Variants in ADAMTS17 observed in about 807,000 individuals in gnomAD.
The protein encoded by ADAMTS17 is ADAM metallopeptidase with thrombospondin type 1 motif 17.
ADAMTS17 carries 113 observed loss-of-function variants against 141.5 expected under a neutral mutation model. The observed-to-expected ratio is 0.80, with a 90% CI of 0.69 to 0.93. ADAMTS17 has a LOEUF of 0.93. ADAMTS17 is among the 40% of genes least tolerant of loss of function. The pLI is 0.00. For missense variants in ADAMTS17, 1,659 were observed against 1,517.9 expected (o/e 1.09, Z -1.54); for synonymous variants, 768 against 630.6 (o/e 1.22, Z -3.27).
intron 15 of ADAMTS17, among the ~76,000 whole-genome samples, chr15:100,075,800 G>T (rs117643168): frequency 6.6e-6 from 1 of 152,018 alleles, no homozygotes. Flanking sequence ...GGGACTTTTT[G>T]TTTATTTCCA....
intron 10 of ADAMTS17, among the ~76,000 whole-genome samples, chr15:100,149,156 C>CTTTTGCTGT (rs547254062): frequency 1.4e-3 from 218 of 152,338 alleles, no homozygotes; most frequent in Admixed American, 3.1e-3. Context: ...AGGGAAGGCG[C>CTTTTGCTGT]AGACTGTTGA....
intron 7 of ADAMTS17, among the ~76,000 whole-genome samples, chr15:100,246,148 T>C (rs2042980460): frequency 6.6e-6 from 1 of 152,178 alleles, no homozygotes; most frequent in Non-Finnish European, 1.5e-5. Context: ...GGAAATACTC[T>C]ACGGATGCTT....
rs181320712 is a variant in ADAMTS17, at chr15:100,105,406, G to A, written c.2016+3583C>T. ...CAATCCCTGCAATGATGATGACAATGGTGGAGGCACTGGAAATAGACAGGC... is the reference window on the plus strand; with the variant it reads ...CAATCCCTGCAATGATGATGACAATAGTGGAGGCACTGGAAATAGACAGGC... On this transcript the variant is annotated intron_variant, in intron 14 of 21. Transcript: ENST00000268070. 1.1e-3 allele frequency among the ~76,000 whole-genome samples: 167 copies of A among 152,306 alleles called. 4 individuals are homozygous for A. Among genetic ancestry groups the A allele is most frequent in the Admixed American group, 0.011 (167 of 15,294 alleles).
rs564566640 is a variant in ADAMTS17, at chr15:100,104,267, T to C, written c.2016+4722A>G. ...GGCCAACAGTAGGAATCATTAATGA[T>C]GGGACTCTTGATTTATAGGAGCTTG... On this transcript the variant is annotated intron_variant, in intron 14 of 21. Coordinates refer to ENST00000268070, the MANE Select transcript of ADAMTS17 (RefSeq NM_139057.4). Among the ~76,000 whole-genome samples the C allele has an allele frequency of 1.7e-3, 266 of 152,332 alleles. 1 individual carries two copies. The highest frequency in any genetic ancestry group is 6.0e-3 in the African/African-American group (248 of 41,580).
intron 18 of ADAMTS17, among the ~76,000 whole-genome samples, chr15:100,032,799 G>C (rs193275844): frequency 1.3e-5 from 2 of 152,150 alleles, no homozygotes; most frequent in African/African-American, 4.8e-5. Flanking sequence ...TAAGCGTCTC[G>C]AAGTCTTCAT....
chr15:100,093,020 G>A (rs1166223010), intron 15 of ADAMTS17, among the ~76,000 whole-genome samples: 1 of 152,210 alleles, frequency 6.6e-6, no homozygotes, highest in African/African-American at 2.4e-5. Flanking sequence ...GCCAGCCCAA[G>A]GCATGAGCAT....
At chr15:100,149,171 G>A (rs761606196) in intron 10 of ADAMTS17, among the ~76,000 whole-genome samples, 3 of 152,250 alleles carry the variant, frequency 2.0e-5, no homozygotes, top group African/African-American at 7.2e-5. Context: ...TGTTGATACA[G>A]CAGGGCCTGG....
intron 8 of ADAMTS17, among the ~76,000 whole-genome samples, chr15:100,157,112 T>C (rs2039472353): frequency 1.3e-5 from 2 of 152,150 alleles, no homozygotes; most frequent in African/African-American, 4.8e-5. Flanking sequence ...TACAAACCCA[T>C]CAGATCTTGT....
At chr15:100,194,415 G>A (rs925364609) in intron 8 of ADAMTS17, among the ~76,000 whole-genome samples, 1 of 152,218 alleles carries the variant, frequency 6.6e-6, no homozygotes, top group African/African-American at 2.4e-5. Flanking sequence ...ACAGAGCTAT[G>A]CACTTTCTTT....
chr15:100,181,699 A>G (rs1328218978), intron 8 of ADAMTS17, among the ~76,000 whole-genome samples: 1 of 152,232 alleles, frequency 6.6e-6, no homozygotes, highest in Non-Finnish European at 1.5e-5. Flanking sequence ...ATGCAAGACA[A>G]TGTTCTCTTT....
chr15:100,052,058 C>T (rs116282405), intron 16 of ADAMTS17, among the ~76,000 whole-genome samples: 1,776 of 152,320 alleles, frequency 0.012, 37 homozygotes, highest in African/African-American at 0.039. Context: ...AGCTGCGTCA[C>T]GCAGAGAACA....
At chr15:100,190,292 C>T (rs1333445922) in intron 8 of ADAMTS17, among the ~76,000 whole-genome samples, 11 of 152,226 alleles carry the variant, frequency 7.2e-5, no homozygotes, top group South Asian at 2.1e-4. Context: ...CCGTGGCTCT[C>T]CCAGACCCCC....
chr15:100,161,635 T>A lies in ADAMTS17; in HGVS notation c.1182-6315A>T, dbSNP rs575180949. On this transcript the variant is annotated intron_variant, in intron 8 of 21. Transcript: ENST00000268070. ...TTGTTATTGCTAATCAACATAACAA[T>A]AATTAACAGGCCAGCTCTGCACCAG... 7.9e-3 allele frequency among the ~76,000 whole-genome samples: 1,201 copies of A among 152,314 alleles called. 17 individuals are homozygous for A. Among genetic ancestry groups the A allele is most frequent in the African/African-American group, 0.026 (1,097 of 41,570 alleles).
rs575050362 is a variant in ADAMTS17 at position 100,281,388 on chromosome 15, C to G, written c.630G>C (p.Pro210=). ...AGTCCCGCGAAGGCCTGCCCCACGT[C>G]GGCTTCTTCTTTTCTAGAAAATGAT... The part of the protein sequence containing the change: ...LCKVLTEKKK[P]TWGRPSRDWR... Residue 210 remains proline, a synonymous_variant, in exon 4 of 22, where the codon CCG becomes CCC. Transcript: ENST00000268070. 1 of 1,612,574 alleles carries G rather than the reference C, an allele frequency of 6.2e-7. No homozygotes were observed. The highest frequency in any genetic ancestry group is 8.5e-7 in the Non-Finnish European group (1 of 1,179,934).
intron 8 of ADAMTS17, among the ~76,000 whole-genome samples, chr15:100,177,962 G>C (rs9796562): frequency 0.048 from 7,317 of 151,840 alleles, 380 homozygotes; most frequent in East Asian, 0.19. Flanking sequence ...TACTTTTTCT[G>C]ATATTAATAT....
intron 14 of ADAMTS17, among the ~76,000 whole-genome samples, chr15:100,107,800 A>G (rs757844954): frequency 1.3e-5 from 2 of 152,150 alleles, no homozygotes; most frequent in Non-Finnish European, 2.9e-5. Flanking sequence ...CCCAGCTTCC[A>G]GAACTGTGAG....
At chr15:100,238,366 G>A (rs1300558044) in intron 7 of ADAMTS17, among the ~76,000 whole-genome samples, 4 of 152,112 alleles carry the variant, frequency 2.6e-5, no homozygotes, top group African/African-American at 9.7e-5. Context: ...ATCCCCTCCA[G>A]TAAAACATCA....
chr15:100,162,261 T>C (rs12442561), intron 8 of ADAMTS17, among the ~76,000 whole-genome samples: 3,126 of 151,868 alleles, frequency 0.021, 158 homozygotes, highest in East Asian at 0.19. Context: ...ATGAGTCAGG[T>C]ACAGCCTTCA....
At chr15:100,188,033 G>A (rs2040783184) in intron 8 of ADAMTS17, among the ~76,000 whole-genome samples, 1 of 152,092 alleles carries the variant, frequency 6.6e-6, no homozygotes. Context: ...GCAATGAGTT[G>A]CGATCACACC....
Sources: gnomAD v4.1 joint callset for allele counts (sites outside exome capture counted in the v4.1 genomes callset) on GRCh38, gnomAD v4.1.1 for gene constraint, MANE v1.5 for transcripts, NCBI Gene and HGNC (gene_info 2026-07-23, HGNC 2026-07-21) for gene names.